Variants in CRYGS observed in about 807,000 individuals in gnomAD.
CRYGS encodes the protein gamma-crystallin S.
In CRYGS, 13 loss-of-function variants were observed where a neutral mutation model predicts 21.3. That is an observed-to-expected ratio of 0.61 (90% CI 0.40 to 0.97). CRYGS has a LOEUF of 0.97. CRYGS is among the 50% of genes least tolerant of loss of function. CRYGS has a pLI of 0.00. For missense variants in CRYGS, 205 were observed against 229.7 expected (o/e 0.89, Z 0.69); for synonymous variants, 67 against 75.0 (o/e 0.89, Z 0.55).
intron 1 of CRYGS, chr3:186,540,730 A>G (rs1714045135): frequency 2.3e-5 from 23 of 979,044 alleles, no homozygotes; most frequent in Non-Finnish European, 2.5e-5. Context: ...ACGGGCGAAA[A>G]CTATGTGAGT....
At chr3:186,539,167 C>T (rs563687228) in intron 2 of CRYGS, among the ~76,000 whole-genome samples, 188 bp downstream of exon 2, 1 of 152,300 alleles carries the variant, frequency 6.6e-6, no homozygotes, top group South Asian at 2.1e-4. Context: ...GAGGCAGAGA[C>T]AGCACCCTGG....
At chr3:186,539,316 G>A in intron 2 of CRYGS, 39 bp downstream of exon 2, 2 of 1,611,660 alleles carry the variant, frequency 1.2e-6, no homozygotes, top group Non-Finnish European at 1.7e-6. Context: ...CGGACAGAGG[G>A]CGTGGGAAAC....
At position 186,539,485 on chromosome 3, in the gene CRYGS, C is replaced by T. The variant is rs1460705931; in HGVS notation, c.134G>A (p.Gly45Asp). ...SRCNSIKVEG[G>D]TWAVYERPNF... ...GGGCCTTTCATAAACAGCCCAGGTGCCTCCTTCCACTTTAATGGAGTTGCA... is the reference window on the plus strand; with the variant it reads ...GGGCCTTTCATAAACAGCCCAGGTGTCTCCTTCCACTTTAATGGAGTTGCA... Residue 45 changes from glycine to aspartate, a missense_variant, in exon 2 of 3, where the codon GGC (glycine) becomes GAC (aspartate). Physicochemically the swap from Gly to Asp is moderately conservative, Grantham distance 94. Transcript: ENST00000307944. 4.3e-6 allele frequency: 7 copies of T among 1,613,506 alleles called. No homozygotes were observed. The highest frequency in any genetic ancestry group is 5.9e-6 in the Non-Finnish European group (7 of 1,180,034).
chr3:186,540,597 T>G (rs891797321), intron 1 of CRYGS: 6 of 161,040 alleles, frequency 3.7e-5, no homozygotes, highest in African/African-American at 1.4e-4. Context: ...ATCTTTTTTT[T>G]TTTTAAGATG....
intron 1 of CRYGS, among the ~76,000 whole-genome samples, chr3:186,542,482 T>TCA (rs1191574835): frequency 1.3e-5 from 2 of 152,218 alleles, no homozygotes; most frequent in East Asian, 3.8e-4. Context: ...CCTATCATTA[T>TCA]CAGGTTTATT....
chr3:186,541,819 C>T (rs188476440), intron 1 of CRYGS, among the ~76,000 whole-genome samples: 23 of 152,304 alleles, frequency 1.5e-4, no homozygotes, highest in Non-Finnish European at 1.5e-4. Flanking sequence ...TTTCTGCCTG[C>T]CCAGTTAGCT....
chr3:186,538,773 T>C lies in CRYGS; in HGVS notation c.460A>G (p.Lys154Glu). Residue 154 changes from lysine (K) to glutamate (E), a missense_variant, in exon 3 of 3, where the codon AAG becomes GAG. Coordinates refer to ENST00000307944, the MANE Select transcript of CRYGS (RefSeq NM_017541.4). Reference sequence around the variant, plus strand: ...TCGATGGGCTTCCGGTACTCCTTCTTGTCCAGGAGGTACTGCCTGCCACGG... The same window carrying C: ...TCGATGGGCTTCCGGTACTCCTTCTCGTCCAGGAGGTACTGCCTGCCACGG... ...NYRGRQYLLD[K>E]KEYRKPIDWG... 5.0e-6 allele frequency: 8 copies of C among 1,614,138 alleles called. No homozygotes were observed. The highest frequency in any genetic ancestry group is 5.9e-6 in the Non-Finnish European group (7 of 1,180,022).
intron 1 of CRYGS, among the ~76,000 whole-genome samples, chr3:186,541,324 C>G (rs1714061234): frequency 6.6e-6 from 1 of 152,098 alleles, no homozygotes; most frequent in Admixed American, 6.5e-5. Flanking sequence ...TTCCTGTTCC[C>G]TAAAAGGGTC....
Position 186,538,620 on chromosome 3 carries a change from T to C in CRYGS, c.*76A>G, listed in dbSNP as rs954495880. ...GCAGTGGGATGCATGCCAACTGTTT[T>C]ATTGATGATGCCTATTTGGACCACA... On this transcript the variant is annotated 3_prime_UTR_variant, in exon 3 of 3. Coordinates refer to ENST00000307944, the MANE Select transcript of CRYGS (RefSeq NM_017541.4). The C allele has an allele frequency of 3.1e-6, 5 of 1,591,218 alleles. No individual in the cohort carries two copies. Among genetic ancestry groups the C allele is most frequent in the Non-Finnish European group, 4.3e-6 (5 of 1,160,854 alleles).
chr3:186,538,802 T>C lies in CRYGS; in HGVS notation c.431A>G (p.Asn144Ser). ...EGVWIFYELPNYRGRQYLLDK... is the reference protein window; with the variant it reads ...EGVWIFYELPSYRGRQYLLDK... ...CAGGAGGTACTGCCTGCCACGGTAG[T>C]TGGGTAGCTCATAGAAAATCCAGAC... The change falls in exon 3 of 3, where the codon AAC (asparagine) becomes AGC (serine). Residue 144 changes from asparagine to serine, a missense_variant. Transcript: ENST00000307944. 6.2e-7 allele frequency: 1 copy of C among 1,614,072 alleles called. No individual in the cohort carries two copies. The highest frequency in any genetic ancestry group is 8.5e-7 in the Non-Finnish European group (1 of 1,180,002).
intron 1 of CRYGS, chr3:186,540,468 G>A (rs905684323): frequency 1.3e-5 from 2 of 152,182 alleles, no homozygotes; most frequent in African/African-American, 4.8e-5. Context: ...GCTGAAACAG[G>A]AGACAGAGTT....
Position 186,538,510 on chromosome 3 carries a change from G to C in CRYGS, c.*186C>G, listed in dbSNP as rs372598606. 3 of 668,982 alleles carry C rather than the reference G, an allele frequency of 4.5e-6. No homozygotes were observed. Among genetic ancestry groups the C allele is most frequent in the Admixed American group, 2.7e-5 (1 of 36,644 alleles). The allele number at this position is 668,982 out of a possible 1,614,324, so 41.4% of individuals were successfully genotyped here. A position where few individuals can be genotyped will look rare whatever the true frequency, so the allele number is the denominator to read the frequency against. The stretch of plus-strand genomic sequence containing the variant: ...AAAGATCTAGATTGGTGATCTGGCA[G>C]ATGGGTAGCTTTGTGTGACTGCCCA... On this transcript the variant is annotated 3_prime_UTR_variant, in exon 3 of 3. Coordinates refer to ENST00000307944, the MANE Select transcript of CRYGS (RefSeq NM_017541.4).
intron 1 of CRYGS, among the ~76,000 whole-genome samples, chr3:186,542,635 G>T (rs532082653): frequency 3.3e-5 from 5 of 152,026 alleles, no homozygotes; most frequent in Admixed American, 3.3e-4. Context: ...CAAGATAGTG[G>T]GAAAGGAAGA....
At chr3:186,539,326 CAGAG>C in intron 2 of CRYGS, 25 bp downstream of exon 2, 2 of 1,612,008 alleles carry the variant, frequency 1.2e-6, no homozygotes, top group Non-Finnish European at 1.7e-6. Context: ...GCGTGGGAAA[CAGAG>C]GGAGTACACA....
At chr3:186,542,977 A>G (rs755751723) in intron 1 of CRYGS, among the ~76,000 whole-genome samples, 2 of 152,210 alleles carry the variant, frequency 1.3e-5, no homozygotes, top group Non-Finnish European at 2.9e-5. Flanking sequence ...TCCAATGAAA[A>G]AAAAATCAAG....
In CRYGS at chr3:186,539,396, C is replaced by A; in HGVS notation, c.223G>T (p.Gly75Cys). Residue 75 changes from glycine (G) to cysteine (C), a missense_variant, in exon 2 of 3, where the codon GGC becomes TGC. Transcript: ENST00000307944. ...GEYPEYQRWMGLNDRLSSCRA... is the reference protein window; with the variant it reads ...GEYPEYQRWMCLNDRLSSCRA... ...CAGGAGCTGAGGCGGTCGTTGAGGC[C>A]CATCCAACGCTGGTATTCAGGGTAC... The A allele has an allele frequency of 6.2e-7, 1 of 1,612,174 alleles. No individual in the cohort carries two copies. Among genetic ancestry groups the A allele is most frequent in the Non-Finnish European group, 8.5e-7 (1 of 1,179,982 alleles).
intron 2 of CRYGS, 36 bp from the exon 3 acceptor site, chr3:186,539,004 T>C (rs760017686): frequency 1.9e-6 from 3 of 1,610,664 alleles, no homozygotes; most frequent in Middle Eastern, 1.7e-4. Context: ...CAGAAACCAT[T>C]ATGGAAATCA....
At position 186,538,769 on chromosome 3, in the gene CRYGS, T is replaced by G; in HGVS notation, c.464A>C (p.Lys155Thr). The G allele has an allele frequency of 3.1e-6, 5 of 1,614,158 alleles. No individual in the cohort carries two copies. Among genetic ancestry groups the G allele is most frequent in the Non-Finnish European group, 4.2e-6 (5 of 1,180,020 alleles). ...YRGRQYLLDK[K>T]EYRKPIDWGA... ...CCAATCGATGGGCTTCCGGTACTCC[T>G]TCTTGTCCAGGAGGTACTGCCTGCC... Residue 155 changes from lysine to threonine, a missense_variant, in exon 3 of 3, where the codon AAG becomes ACG. By Grantham distance (78) the Lys-to-Thr change is moderately conservative. Transcript: ENST00000307944.
intron 1 of CRYGS, among the ~76,000 whole-genome samples, chr3:186,541,788 A>G (rs1422284803): frequency 6.6e-6 from 1 of 152,198 alleles, no homozygotes; most frequent in African/African-American, 2.4e-5. Flanking sequence ...ACTATTGTTC[A>G]CTTTATTTTC....
Sources: gnomAD v4.1 joint callset for allele counts (sites outside exome capture counted in the v4.1 genomes callset) on GRCh38, gnomAD v4.1.1 for gene constraint, MANE v1.5 for transcripts, NCBI Gene and HGNC (gene_info 2026-07-23, HGNC 2026-07-21) for gene names.